The following AKAP7 variants were observed in gnomAD, a reference collection of about 807,000 sequenced individuals.
AKAP7 encodes the protein A kinase (PRKA) anchor protein 7.
AKAP7 carries 39 observed loss-of-function variants against 39.5 expected under a neutral mutation model. The observed-to-expected ratio is 0.99, with a 90% CI of 0.76 to 1.29. The LOEUF is 1.29. Among genes scored for constraint, AKAP7 ranks in the 50% most tolerant of loss-of-function variants. The probability of loss-of-function intolerance (pLI) is 0.00; values close to 1 mark genes in which losing one functional copy is unlikely to be tolerated. For missense variants in AKAP7, 414 were observed against 407.7 expected (o/e 1.02, Z -0.13); for synonymous variants, 140 against 139.1 (o/e 1.01, Z -0.05).
intron 2 of AKAP7, among the ~76,000 whole-genome samples, chr6:131,146,371 G>T (rs1801489521): frequency 6.6e-6 from 1 of 152,136 alleles, no homozygotes; most frequent in Non-Finnish European, 1.5e-5. Flanking sequence ...ACTTTGGGAG[G>T]CTGAGACGGG....
chr6:131,194,523 C>T (rs948226983), intron 5 of AKAP7, among the ~76,000 whole-genome samples: 1 of 152,056 alleles, frequency 6.6e-6, no homozygotes, highest in Non-Finnish European at 1.5e-5. Context: ...ATGAAACATT[C>T]TGTAAATATC....
intron 6 of AKAP7, among the ~76,000 whole-genome samples, chr6:131,203,787 A>G (rs1236243723): frequency 1.3e-5 from 2 of 152,184 alleles, no homozygotes; most frequent in African/African-American, 4.8e-5. Flanking sequence ...GATTTATCAT[A>G]ATTTAAACAT....
intron 6 of AKAP7, among the ~76,000 whole-genome samples, chr6:131,201,579 A>G (rs1343587110): frequency 1.3e-5 from 2 of 152,088 alleles, no homozygotes; most frequent in East Asian, 1.9e-4. Context: ...TTTGCTGTGC[A>G]GAAGCTCTTT....
chr6:131,278,734 G>A (rs1814955821), intron 7 of AKAP7, among the ~76,000 whole-genome samples: 1 of 152,198 alleles, frequency 6.6e-6, no homozygotes, highest in Non-Finnish European at 1.5e-5. Flanking sequence ...CATGAGAACA[G>A]CAAGTGGGAA....
Position 131,135,722 on chromosome 6 carries a change from G to C in AKAP7, c.-42G>C, listed in dbSNP as rs112523434. ...CCCCGGGACGCGGCCCGCCACCGCC[G>C]CTGCCGCCAGCCCAGACGCGCCGCC... On this transcript the variant is annotated 5_prime_UTR_variant, in exon 1 of 8. Coordinates refer to ENST00000431975, the MANE Select transcript of AKAP7 (RefSeq NM_016377.4). 2 of 1,204,982 alleles carry C rather than the reference G, an allele frequency of 1.7e-6. No homozygotes were observed. The highest frequency in any genetic ancestry group is 2.1e-6 in the Non-Finnish European group (2 of 972,940). The allele number at this position is 1,204,982 out of a possible 1,614,324, so 74.6% of individuals were successfully genotyped here. A position where few individuals can be genotyped will look rare whatever the true frequency, so the allele number is the denominator to read the frequency against.
rs376123315 is a variant in AKAP7 at position 131,281,585 on chromosome 6, G to A, written c.906G>A (p.Arg302=). The part of the protein sequence containing the change: ...DDAELVRLSK[R]LVENAVLKAV... ...CTGAACTAGTAAGGCTCAGTAAGAG[G>A]CTGGTGGAGAACGCGGTGCTCAAGG... Residue 302 remains arginine, a synonymous_variant, in exon 8 of 8, where the codon AGG becomes AGA. Coordinates refer to ENST00000431975, the MANE Select transcript of AKAP7 (RefSeq NM_016377.4). The surrounding 1 kb of genome is among the most constrained non-coding windows in gnomAD (Gnocchi z 4.0). The A allele has an allele frequency of 1.9e-6, 3 of 1,613,618 alleles. No homozygotes were observed. The highest frequency in any genetic ancestry group is 1.7e-6 in the Non-Finnish European group (2 of 1,179,742).
chr6:131,158,312 ACTT>A (rs903460983), intron 2 of AKAP7, among the ~76,000 whole-genome samples: 6 of 152,244 alleles, frequency 3.9e-5, no homozygotes, highest in African/African-American at 1.4e-4. Flanking sequence ...TTGAGCCCAG[ACTT>A]CTTTTCACAA....
intron 7 of AKAP7, among the ~76,000 whole-genome samples, chr6:131,241,878 G>A (rs377085576): frequency 6.6e-6 from 1 of 152,036 alleles, no homozygotes; most frequent in African/African-American, 2.4e-5. Context: ...TTGGTCTGTG[G>A]AACATCAGTA....
Position 131,164,425 on chromosome 6 carries a change from G to A in AKAP7, c.292-656G>A, listed in dbSNP as rs72991515. ...GAGCAGGTGCTGAGAGAGGAAGGGA[G>A]ATGGTGGACCAGGTCTGTGGGGATT... is the stretch of plus-strand genomic sequence containing the variant. On this transcript the variant is annotated intron_variant, in intron 3 of 7. Coordinates refer to ENST00000431975, the MANE Select transcript of AKAP7 (RefSeq NM_016377.4). 1,059 of 455,872 alleles carry A rather than the reference G, an allele frequency of 2.3e-3. 2 individuals are homozygous for A. The highest frequency in any genetic ancestry group is 3.2e-3 in the Non-Finnish European group (723 of 226,790). 28.2% of individuals were successfully genotyped at this position (455,872 alleles called of 1,614,324 possible).
At chr6:131,253,539 C>A (rs1812608363) in intron 7 of AKAP7, among the ~76,000 whole-genome samples, 1 of 152,090 alleles carries the variant, frequency 6.6e-6, no homozygotes, top group Admixed American at 6.6e-5. Flanking sequence ...TGCTGTCAAA[C>A]ATTAGAACCA....
intron 5 of AKAP7, among the ~76,000 whole-genome samples, chr6:131,194,568 T>A (rs1806731987): frequency 6.6e-6 from 1 of 152,126 alleles, no homozygotes; most frequent in Non-Finnish European, 1.5e-5. Context: ...GCAGATTAAG[T>A]CTGAGGTTTC....
At chr6:131,238,916 T>C (rs1259708844) in intron 7 of AKAP7, among the ~76,000 whole-genome samples, 3 of 152,218 alleles carry the variant, frequency 2.0e-5, no homozygotes, top group Non-Finnish European at 4.4e-5. Context: ...CATTTAAGGT[T>C]AATATTGTTA....
intron 2 of AKAP7, among the ~76,000 whole-genome samples, chr6:131,153,220 A>G (rs1462106129): frequency 6.6e-6 from 1 of 152,084 alleles, no homozygotes; most frequent in Non-Finnish European, 1.5e-5. Flanking sequence ...AGAAAAGTGT[A>G]TTACAAGGGT....
chr6:131,265,469 A>G (rs773002879), intron 7 of AKAP7, among the ~76,000 whole-genome samples: 2 of 151,852 alleles, frequency 1.3e-5, no homozygotes, highest in Non-Finnish European at 2.9e-5. Context: ...GTGTAGAACT[A>G]CTGTTTTCCC....
At chr6:131,176,174 A>G (rs973820732) in intron 5 of AKAP7, among the ~76,000 whole-genome samples, 2 of 152,118 alleles carry the variant, frequency 1.3e-5, no homozygotes, top group African/African-American at 4.8e-5. Context: ...CCTTCTTTGC[A>G]TCACATGTAC....
intron 3 of AKAP7, among the ~76,000 whole-genome samples, chr6:131,162,973 A>T (rs1019306052): frequency 4.0e-5 from 6 of 151,478 alleles, no homozygotes; most frequent in Non-Finnish European, 8.8e-5. Context: ...GTTCAAGAGT[A>T]GGTGCGCACA....
intron 5 of AKAP7, among the ~76,000 whole-genome samples, chr6:131,170,100 G>A (rs1803888344): frequency 7.5e-6 from 1 of 134,060 alleles, no homozygotes. Context: ...TGAACAATGA[G>A]AACACATGGA....
chr6:131,207,367 C>G (rs1276726002), intron 6 of AKAP7, among the ~76,000 whole-genome samples: 19 of 151,152 alleles, frequency 1.3e-4, no homozygotes, highest in Admixed American at 1.3e-3. Flanking sequence ...TTGCCCAGAC[C>G]TAGAGTTCAT....
chr6:131,179,992 T>C (rs1252171000), intron 5 of AKAP7, among the ~76,000 whole-genome samples: 1 of 152,254 alleles, frequency 6.6e-6, no homozygotes, highest in Non-Finnish European at 1.5e-5. Flanking sequence ...CCTGCAAATG[T>C]ATGTTTTCCA....
Sources: allele counts gnomAD v4.1 joint callset (sites outside exome capture counted in the v4.1 genomes callset), GRCh38; gene constraint gnomAD v4.1.1; non-coding constraint Gnocchi (gnomAD v3.1); transcripts MANE v1.5; gene names NCBI Gene and HGNC (gene_info 2026-07-23, HGNC 2026-07-21).